CEP128: variants seen among roughly 807,000 people sequenced by gnomAD.
The protein encoded by CEP128 is centrosomal protein 128, also known as centrosomal protein 128kDa.
Under a neutral mutation model 156.7 loss-of-function variants are expected in CEP128, and 132 were observed. That is an observed-to-expected ratio of 0.84 (90% CI 0.73 to 0.97). The LOEUF (loss-of-function observed/expected upper bound fraction) is 0.97, where lower values mean the gene tolerates loss of function less well. Among genes scored for constraint, CEP128 ranks in the 50% least tolerant of loss-of-function variants. The pLI is 0.00. For missense variants in CEP128, 1,252 were observed against 1,281.9 expected, an observed-to-expected ratio of 0.98 and a Z score of 0.36; for synonymous variants, 469 against 448.9, an observed-to-expected ratio of 1.04 and a Z score of -0.57.
At chr14:80,831,649 C>CTACT (rs1885807398) in intron 12 of CEP128, among the ~76,000 whole-genome samples, 1 of 150,986 alleles carries the variant, frequency 6.6e-6, no homozygotes, top group Non-Finnish European at 1.5e-5. Context: ...TTCAACTAAG[C>CTACT]TACTTCATCT....
At chr14:80,601,132 T>C (rs1203570756) in intron 19 of CEP128, among the ~76,000 whole-genome samples, 1 of 152,138 alleles carries the variant, frequency 6.6e-6, no homozygotes, top group Non-Finnish European at 1.5e-5. Flanking sequence ...ACTTAATACC[T>C]AAATATGTAT....
chr14:80,837,357 A>G (rs1159260408), intron 11 of CEP128, among the ~76,000 whole-genome samples: 2 of 152,226 alleles, frequency 1.3e-5, no homozygotes, highest in East Asian at 1.9e-4. Context: ...AAGTTACTGA[A>G]CTTTAAACAT....
At chr14:80,732,489 TGTGTGTGTG>T (rs1470064490) in intron 19 of CEP128, among the ~76,000 whole-genome samples, 3 of 149,212 alleles carry the variant, frequency 2.0e-5, no homozygotes, top group African/African-American at 7.4e-5. Context: ...TGTGTGTGTG[TGTGTGTGTG>T]TGTGTGTGTG....
rs761698906 is a variant in CEP128, at chr14:80,743,215, TTCTC to T, written c.2662_2665del (p.Glu888LysfsTer7). The T allele has an allele frequency of 9.9e-6, 16 of 1,613,612 alleles. No individual in the cohort carries two copies. Among genetic ancestry groups the T allele is most frequent in the South Asian group, 2.2e-5 (2 of 91,070 alleles). On this transcript the variant is annotated frameshift_variant, in exon 19 of 25. Coordinates refer to ENST00000555265, the MANE Select transcript of CEP128 (RefSeq NM_152446.5). LOFTEE classifies it high-confidence loss of function. Reference sequence around the variant, plus strand: ...GAGCATCAGCTGGTGTCGCAGATTTTTCTCTCTGTTTTCTCTCTCTTTCAGTTCC... The same window carrying T: ...GAGCATCAGCTGGTGTCGCAGATTTTTCTGTTTTCTCTCTCTTTCAGTTCC...
chr14:80,937,614 T>C (rs957571250), intron 2 of CEP128, among the ~76,000 whole-genome samples: 1 of 152,092 alleles, frequency 6.6e-6, no homozygotes, highest in South Asian at 2.1e-4. Flanking sequence ...TGGGATACTA[T>C]GTATCTGCTA....
chr14:80,480,396 G>A (rs1448348961), intron 14 of CEP128, among the ~76,000 whole-genome samples: 1 of 152,158 alleles, frequency 6.6e-6, no homozygotes, highest in East Asian at 1.9e-4. Context: ...AAGCTGCCAA[G>A]GCTTGGGGCT....
At position 80,675,083 on chromosome 14, in the gene CEP128, C is replaced by G. The variant is rs377594408; in HGVS notation, c.2806+67992G>C. Among the ~76,000 whole-genome samples, 37 of 152,168 alleles carry G rather than the reference C, an allele frequency of 2.4e-4. No homozygotes were observed. The East Asian group carries it at 6.2e-3, about 25-fold the overall frequency. ...AATCACCTCGTCCTTTTTAACCTCT[C>G]CTATTCCCACACATGAACCTTTTAA... On this transcript the variant is annotated intron_variant, in intron 19 of 24. Transcript: ENST00000555265.
At chr14:80,880,248 GA>G (rs979274304) in intron 8 of CEP128, among the ~76,000 whole-genome samples, 15 of 145,760 alleles carry the variant, frequency 1.0e-4, no homozygotes, top group Admixed American at 2.0e-4. Flanking sequence ...CAACTGATAA[GA>G]AAAAAAAAAG....
intron 19 of CEP128, among the ~76,000 whole-genome samples, chr14:80,711,129 C>G (rs117871177): frequency 1.3e-5 from 2 of 151,928 alleles, no homozygotes; most frequent in Non-Finnish European, 2.9e-5. Flanking sequence ...TTCTATAGAT[C>G]GAGTTAAATG....
chr14:80,834,678 C>A (rs2140059055), intron 12 of CEP128, among the ~76,000 whole-genome samples: 2 of 152,186 alleles, frequency 1.3e-5, no homozygotes, highest in South Asian at 4.1e-4. Context: ...GAAATAATTA[C>A]ATTTTATGAG....
chr14:80,633,069 A>C (rs1320636458), intron 19 of CEP128, among the ~76,000 whole-genome samples: 1 of 152,034 alleles, frequency 6.6e-6, no homozygotes, highest in Non-Finnish European at 1.5e-5. Flanking sequence ...TCTACAAAAA[A>C]ATAAAAAATT....
chr14:80,749,561 G>A (rs1451253307), intron 18 of CEP128, among the ~76,000 whole-genome samples: 1 of 152,076 alleles, frequency 6.6e-6, no homozygotes, highest in Non-Finnish European at 1.5e-5. Flanking sequence ...CTCATTTCTG[G>A]GAACTAAAGA....
In CEP128 at chr14:80,609,872, T is replaced by G. The variant is rs1892928795; in HGVS notation, c.2807-29449A>C. The stretch of plus-strand genomic sequence containing the variant: ...TGTGAGTCAAAAAAAAATCACACAG[T>G]TGGAAAAAAAAATGTTCACAGTGAA... On this transcript the variant is annotated intron_variant, in intron 19 of 24. Coordinates refer to ENST00000555265, the MANE Select transcript of CEP128 (RefSeq NM_152446.5). 5.3e-5 allele frequency among the ~76,000 whole-genome samples: 8 copies of G among 152,062 alleles called. No homozygotes were observed. The South Asian group carries it at 1.7e-3, about 32-fold the overall frequency.
At chr14:80,868,737 A>G (rs1566681978) in intron 8 of CEP128, among the ~76,000 whole-genome samples, 2 of 152,068 alleles carry the variant, frequency 1.3e-5, no homozygotes, top group Non-Finnish European at 2.9e-5. Context: ...ACCCAACTGT[A>G]TGCTGCCTAA....
At position 80,667,385 on chromosome 14, in the gene CEP128, A is replaced by G. The variant is rs193065123; in HGVS notation, c.2806+75690T>C. 2.7e-4 allele frequency among the ~76,000 whole-genome samples: 41 copies of G among 152,348 alleles called. 1 individual carries two copies. The highest frequency in any genetic ancestry group is 1.3e-3 in the Admixed American group (20 of 15,302). On this transcript the variant is annotated intron_variant, in intron 19 of 24. Coordinates refer to ENST00000555265, the MANE Select transcript of CEP128 (RefSeq NM_152446.5). ...AGAAAGCCAGAGTCAACTATAAAAA[A>G]TGATTTAGAAATGTGGGATAGAAGT...
intron 21 of CEP128, among the ~76,000 whole-genome samples, chr14:80,550,434 T>A (rs143549404): frequency 3.3e-5 from 5 of 152,180 alleles, no homozygotes; most frequent in African/African-American, 1.2e-4. Flanking sequence ...AAGAATGACA[T>A]TTTCAAATAA....
intron 18 of CEP128, among the ~76,000 whole-genome samples, chr14:80,745,881 T>C (rs562044843): frequency 2.0e-5 from 3 of 151,960 alleles, no homozygotes; most frequent in Non-Finnish European, 4.4e-5. Context: ...AAAAAATCTA[T>C]TAGAACAAAA....
chr14:80,695,877 A>T (rs2590483), intron 19 of CEP128, among the ~76,000 whole-genome samples: 80,242 of 151,476 alleles, frequency 0.53, 21,595 homozygotes, highest in East Asian at 0.72. Context: ...CTTCAAAAAA[A>T]TTTTTTTTGA....
At chr14:80,673,425 C>T (rs1434858121) in intron 19 of CEP128, among the ~76,000 whole-genome samples, 1 of 151,106 alleles carries the variant, frequency 6.6e-6, no homozygotes, top group Non-Finnish European at 1.5e-5. Context: ...GGGCGGATCA[C>T]GAGGTCAGGA....
Sources: allele counts gnomAD v4.1 joint callset (sites outside exome capture counted in the v4.1 genomes callset), GRCh38; gene constraint gnomAD v4.1.1; transcripts MANE v1.5; gene names NCBI Gene and HGNC (gene_info 2026-07-23, HGNC 2026-07-21).